The following CHD9 variants were observed in gnomAD, a reference collection of about 807,000 sequenced individuals.
CHD9 encodes chromodomain helicase DNA binding protein 9.
A neutral mutation model predicts 316.1 loss-of-function variants in CHD9; 77 were observed. That is an observed-to-expected ratio of 0.24 (90% CI 0.20 to 0.29). The LOEUF (loss-of-function observed/expected upper bound fraction) is 0.29. CHD9 is among the 10% of genes least tolerant of loss of function. The pLI, the probability that CHD9 is intolerant of heterozygous loss-of-function variation, is 1.00. For missense variants in CHD9, 2,763 were observed against 3,438.1 expected (o/e 0.80, Z 4.91); for synonymous variants, 1,129 against 1,158.3 (o/e 0.97, Z 0.51).
At chr16:53,141,524 AAATGATATGTTGTTGCTT>A (rs2040107127) in intron 1 of CHD9, among the ~76,000 whole-genome samples, 1 of 152,222 alleles carries the variant, frequency 6.6e-6, no homozygotes, top group South Asian at 2.1e-4. Context: ...AAAGTCATGA[AAATGATATGTTGTTGCTT>A]AATGCTTTTG....
At chr16:53,188,740 G>A (rs968994200) in intron 2 of CHD9, among the ~76,000 whole-genome samples, 1 of 150,036 alleles carries the variant, frequency 6.7e-6, no homozygotes, top group Admixed American at 6.7e-5. Flanking sequence ...AATTACAGGT[G>A]CTTGCCACCA....
intron 34 of CHD9, among the ~76,000 whole-genome samples, chr16:53,312,938 C>T (rs2056589167): frequency 6.6e-6 from 1 of 152,142 alleles, no homozygotes; most frequent in South Asian, 2.1e-4. Flanking sequence ...AAACAAGCAT[C>T]TCACCTTTAA....
At chr16:53,082,837 G>C (rs761812234) in intron 1 of CHD9, among the ~76,000 whole-genome samples, 1 of 152,112 alleles carries the variant, frequency 6.6e-6, no homozygotes, top group Non-Finnish European at 1.5e-5. Context: ...CTTCTTCCAG[G>C]ATACGTTCCC....
intron 20 of CHD9, among the ~76,000 whole-genome samples, chr16:53,264,500 GA>G (rs2051461702): frequency 6.6e-6 from 1 of 152,146 alleles, no homozygotes; most frequent in African/African-American, 2.4e-5. Flanking sequence ...CTCCAAGACA[GA>G]GAAAGAGAGA....
At chr16:53,262,918 T>C (rs2051290070) in intron 19 of CHD9, 69 bp from the exon 20 acceptor site, 1 of 1,185,658 alleles carries the variant, frequency 8.4e-7, no homozygotes, top group African/African-American at 1.5e-5. Flanking sequence ...CCATAGTAAA[T>C]GTGAGGAGAT....
chr16:53,171,626 A>G (rs950631888), intron 2 of CHD9, among the ~76,000 whole-genome samples: 1 of 151,988 alleles, frequency 6.6e-6, no homozygotes, highest in African/African-American at 2.4e-5. Context: ...GAGGCAGGTG[A>G]TCACTTGAGC....
chr16:53,206,741 G>T (rs138502329), intron 2 of CHD9, among the ~76,000 whole-genome samples: 1 of 152,210 alleles, frequency 6.6e-6, no homozygotes, highest in Non-Finnish European at 1.5e-5. Context: ...AATGATTTTT[G>T]TAATTGTTTG....
At chr16:53,055,211 T>TG (rs900738629) in intron 1 of CHD9, 134 bp downstream of exon 1, 7 of 152,856 alleles carry the variant, frequency 4.6e-5, no homozygotes, top group South Asian at 4.1e-4. Flanking sequence ...GTTGTAGCCG[T>TG]GGGGGGGACC....
chr16:53,095,539 AC>A (rs1007416271), intron 1 of CHD9, among the ~76,000 whole-genome samples: 6 of 152,014 alleles, frequency 3.9e-5, no homozygotes, highest in African/African-American at 7.3e-5. Flanking sequence ...ACAGAGCAAG[AC>A]CCTGTCTCTA....
chr16:53,105,580 G>A (rs1004184623), intron 1 of CHD9, among the ~76,000 whole-genome samples: 3 of 152,052 alleles, frequency 2.0e-5, no homozygotes, highest in Admixed American at 1.3e-4. Context: ...TTAACAATAC[G>A]CCAGTGAATA....
chr16:53,073,116 C>A (rs1038454344), intron 1 of CHD9, among the ~76,000 whole-genome samples: 5 of 152,196 alleles, frequency 3.3e-5, no homozygotes, highest in Admixed American at 6.5e-5. Flanking sequence ...AAACTCTGTA[C>A]CCGTTAAACA....
chr16:53,267,240 G>A, intron 20 of CHD9, 54 bp from the exon 21 acceptor site: 2 of 1,277,224 alleles, frequency 1.6e-6, no homozygotes, highest in Non-Finnish European at 2.1e-6. Context: ...GTAGAACACT[G>A]TTGTAAGCAA....
chr16:53,234,836 T>A (rs1361811053), intron 10 of CHD9, among the ~76,000 whole-genome samples: 5 of 152,044 alleles, frequency 3.3e-5, no homozygotes, highest in Non-Finnish European at 7.4e-5. Flanking sequence ...AAAACCTACT[T>A]GGTCATGATC....
At chr16:53,304,696 T>TC (rs2055778535) in intron 31 of CHD9, 71 bp downstream of exon 31, 7 of 971,310 alleles carry the variant, frequency 7.2e-6, no homozygotes, top group African/African-American at 2.2e-5. Context: ...TTCTTTTCTT[T>TC]TTTTTTTTTT....
chr16:53,311,364 C>T (rs978196511), intron 34 of CHD9: 1 of 152,106 alleles, frequency 6.6e-6, no homozygotes. Context: ...TTGAGCCTTA[C>T]TTTTCCTGTT....
chr16:53,113,911 T>C (rs1417915032), intron 1 of CHD9, among the ~76,000 whole-genome samples: 1 of 151,976 alleles, frequency 6.6e-6, no homozygotes, highest in Non-Finnish European at 1.5e-5. Flanking sequence ...TCTTGATTTG[T>C]TGCACAGGCT....
At chr16:53,291,864 T>C (rs1232893238) in intron 28 of CHD9, 97 bp downstream of exon 28, 2 of 748,594 alleles carry the variant, frequency 2.7e-6, no homozygotes, top group East Asian at 6.1e-5. Flanking sequence ...TAATGTTTCA[T>C]ATATAAAAAT....
rs9934104 is a variant in CHD9 at position 53,104,265 on chromosome 16, G to C, written c.-165+49188G>C. On this transcript the variant is annotated intron_variant, in intron 1 of 38. Transcript: ENST00000447540. ...GTTGTTTCCGATTATGGCACAGTTA[G>C]AAATTGCATTGCCAATGTTGGAAAC... 2.7e-3 allele frequency among the ~76,000 whole-genome samples: 408 copies of C among 152,310 alleles called. 1 individual carries two copies. The highest frequency in any genetic ancestry group is 8.9e-3 in the African/African-American group (372 of 41,572).
In CHD9 at chr16:53,070,485, TTTCTTTCCTTCCTTCCTTCC is replaced by T. The variant is rs2033922877; in HGVS notation, c.-165+15412_-165+15431del. The stretch of plus-strand genomic sequence containing the variant: ...CGAGTAGCATGTCTTTCTTTCTTTC[TTTCTTTCCTTCCTTCCTTCC>T]TTCCTTCCTTCCTTCCTTCCTTCCT... On this transcript the variant is annotated intron_variant, in intron 1 of 38. Transcript: ENST00000447540. 2.0e-5 allele frequency among the ~76,000 whole-genome samples: 3 copies of T among 147,996 alleles called. No homozygotes were observed. In the South Asian group the frequency reaches 6.4e-4, roughly 31 times the overall value.
Sources: gnomAD v4.1 joint callset for allele counts (sites outside exome capture counted in the v4.1 genomes callset) on GRCh38, gnomAD v4.1.1 for gene constraint, MANE v1.5 for transcripts, NCBI Gene and HGNC (gene_info 2026-07-23, HGNC 2026-07-21) for gene names.